The following PGM1 variants were observed in gnomAD, a reference collection of about 807,000 sequenced individuals.
PGM1 encodes the protein phosphoglucomutase-1.
PGM1 carries 52 observed loss-of-function variants against 55.6 expected under a neutral mutation model. That is an observed-to-expected ratio of 0.94 (90% CI 0.75 to 1.18). The LOEUF (loss-of-function observed/expected upper bound fraction) is 1.18, where lower values mean the gene tolerates loss of function less well. Among genes scored for constraint, PGM1 ranks in the 50% most tolerant of loss-of-function variants. The pLI, the probability that PGM1 is intolerant of heterozygous loss-of-function variation, is 0.00. For synonymous variants in PGM1, 287 were observed against 271.7 expected, an observed-to-expected ratio of 1.06 and a Z score of -0.55; for missense variants, 724 against 729.3, an observed-to-expected ratio of 0.99 and a Z score of 0.08.
chr1:63,599,354 C>T (rs1005866459), intron 1 of PGM1, among the ~76,000 whole-genome samples: 3 of 151,986 alleles, frequency 2.0e-5, no homozygotes, highest in African/African-American at 7.2e-5. Context: ...TTAGTAGAAA[C>T]GAGGTTTCAC....
At chr1:63,626,829 C>T (rs1649030265) in intron 1 of PGM1, among the ~76,000 whole-genome samples, 1 of 152,102 alleles carries the variant, frequency 6.6e-6, no homozygotes. Context: ...AAGTTTTCAT[C>T]TTGCCAAACT....
chr1:63,638,753 T>C lies in PGM1; in HGVS notation c.1097T>C (p.Met366Thr). 6.2e-7 allele frequency: 1 copy of C among 1,614,144 alleles called. No homozygotes were observed. The highest frequency in any genetic ancestry group is 2.2e-5 in the East Asian group (1 of 44,888). The change falls in exon 7 of 11, where the codon ATG becomes ACG. Residue 366 changes from methionine (M) to threonine (T), a missense_variant. Met to Thr is a moderately conservative substitution (Grantham distance 81). This residue lies in a region of PGM1 where 316 missense variants were observed against 313.1 expected (regional missense o/e 1.01). Coordinates refer to ENST00000371084, the MANE Select transcript of PGM1 (RefSeq NM_002633.3). ...PTGWKFFGNLMDASKLSLCGE... is the reference protein window; with the variant it reads ...PTGWKFFGNLTDASKLSLCGE... The stretch of plus-strand genomic sequence containing the variant: ...GGCTGGAAGTTTTTTGGGAATTTGA[T>C]GGACGCGAGCAAACTGTCCCTTTGT...
Position 63,610,512 on chromosome 1 carries a change from T to C in PGM1, c.246+16778T>C, listed in dbSNP as rs376441629. Among the ~76,000 whole-genome samples the C allele has an allele frequency of 2.6e-4, 39 of 152,354 alleles. 1 individual carries two copies. Among genetic ancestry groups the C allele is most frequent in the East Asian group, 1.3e-3 (7 of 5,186 alleles). On this transcript the variant is annotated intron_variant, in intron 1 of 10. Coordinates refer to ENST00000371084, the MANE Select transcript of PGM1 (RefSeq NM_002633.3). ...ATCTGAGTTTGATTCCTGGACATGG[T>C]AGTTATTAGCTGTTTAATCTTGGGC...
chr1:63,634,971 C>T lies in PGM1; in HGVS notation c.825C>T (p.Thr275=). ...CCTATGCAGCTGACCTGGTGGAGAC[C>T]ATGAAGTCAGGAGAGCATGATTTTG... is the stretch of plus-strand genomic sequence containing the variant. The part of the protein sequence containing the change: ...NLTYAADLVE[T]MKSGEHDFGA... Residue 275 remains threonine (T), a synonymous_variant, in exon 5 of 11, where the codon ACC becomes ACT. Transcript: ENST00000371084. The T allele has an allele frequency of 1.2e-6, 2 of 1,613,984 alleles. No individual in the cohort carries two copies. Among genetic ancestry groups the T allele is most frequent in the African/African-American group, 1.3e-5 (1 of 75,004 alleles).
intron 6 of PGM1, among the ~76,000 whole-genome samples, chr1:63,637,904 A>G (rs1052805959): frequency 2.6e-5 from 4 of 152,250 alleles, no homozygotes; most frequent in African/African-American, 9.6e-5. Flanking sequence ...TGCAAAGCTG[A>G]CATTGCTTTC....
At chr1:63,654,305 A>G (rs1649897762) in intron 9 of PGM1, 27 bp from the exon 10 acceptor site, 8 of 1,611,084 alleles carry the variant, frequency 5.0e-6, no homozygotes, top group African/African-American at 1.3e-5. Flanking sequence ...GCATTTGGGG[A>G]AAAAAATCTC....
At chr1:63,646,747 T>C (rs1649654689) in intron 7 of PGM1, among the ~76,000 whole-genome samples, 1 of 152,198 alleles carries the variant, frequency 6.6e-6, no homozygotes, top group Non-Finnish European at 1.5e-5. Flanking sequence ...CAGTTTCTCA[T>C]TGTGGTTTTA....
chr1:63,614,782 G>A (rs1466964061), intron 1 of PGM1, among the ~76,000 whole-genome samples: 2 of 152,108 alleles, frequency 1.3e-5, no homozygotes, highest in African/African-American at 4.8e-5. Context: ...TTATCCCTAG[G>A]ATAAGGGCTG....
At chr1:63,627,493 A>G (rs1294827603) in intron 1 of PGM1, among the ~76,000 whole-genome samples, 3 of 152,054 alleles carry the variant, frequency 2.0e-5, no homozygotes, top group Admixed American at 1.3e-4. Context: ...ATCGAGAGCA[A>G]TATTCCTGAG....
chr1:63,599,605 A>C (rs1001236372), intron 1 of PGM1, among the ~76,000 whole-genome samples: 1 of 152,128 alleles, frequency 6.6e-6, no homozygotes, highest in South Asian at 2.1e-4. Flanking sequence ...CTTGGACAAC[A>C]TGGTGAAACC....
chr1:63,598,742 G>A (rs1648151274), intron 1 of PGM1, among the ~76,000 whole-genome samples: 1 of 152,142 alleles, frequency 6.6e-6, no homozygotes, highest in African/African-American at 2.4e-5. Flanking sequence ...GTAGGGGAAG[G>A]GGATGTAAGC....
At position 63,594,249 on chromosome 1, in the gene PGM1, T is replaced by C. The variant is rs113240691; in HGVS notation, c.246+515T>C. ...CCCGCTGGCTCGGAGCCCGACACTGTGGGGCAAGGGTGGCGAGAGCACCCA... is the reference window on the plus strand; with the variant it reads ...CCCGCTGGCTCGGAGCCCGACACTGCGGGGCAAGGGTGGCGAGAGCACCCA... On this transcript the variant is annotated intron_variant, in intron 1 of 10. Transcript: ENST00000371084. The C allele has an allele frequency of 0.019, 10,150 of 537,968 alleles. 939 individuals carry two copies. The African/African-American group carries it at 0.19, about 10-fold the overall frequency. 33.3% of individuals were successfully genotyped at this position (537,968 alleles called of 1,614,324 possible).
intron 8 of PGM1, among the ~76,000 whole-genome samples, chr1:63,649,710 C>G (rs570410134): frequency 1.3e-5 from 2 of 152,330 alleles, no homozygotes; most frequent in African/African-American, 4.8e-5. Context: ...TCATTGATCT[C>G]TTTCTCTCTC....
intron 2 of PGM1, 134 bp downstream of exon 2, chr1:63,629,721 A>G: frequency 5.1e-6 from 5 of 974,418 alleles, no homozygotes; most frequent in Non-Finnish European, 7.9e-6. Context: ...GCTTCCTTTC[A>G]GTGACAGTGA....
At chr1:63,634,715 G>T (rs1649314697) in intron 4 of PGM1, 114 bp from the exon 5 acceptor site, 1 of 829,880 alleles carries the variant, frequency 1.2e-6, no homozygotes, top group Non-Finnish European at 2.1e-6. Flanking sequence ...CATTCCTGTT[G>T]TTTCTCATGC....
At chr1:63,628,139 A>G (rs1374116937) in intron 1 of PGM1, among the ~76,000 whole-genome samples, 2 of 152,318 alleles carry the variant, frequency 1.3e-5, no homozygotes, top group South Asian at 2.1e-4. Context: ...CAAAAGTACC[A>G]TGGGATGTAG....
chr1:63,622,774 A>T (rs1648916597), intron 1 of PGM1, among the ~76,000 whole-genome samples: 1 of 152,208 alleles, frequency 6.6e-6, no homozygotes, highest in Non-Finnish European at 1.5e-5. Context: ...TCTGTTAGAT[A>T]ATTTTTTTCC....
In PGM1 at chr1:63,593,415, C is replaced by T; in HGVS notation, c.-74C>T. 6.2e-6 allele frequency: 10 copies of T among 1,602,276 alleles called. No homozygotes were observed. The South Asian group carries it at 1.0e-4, about 16-fold the overall frequency. On this transcript the variant is annotated 5_prime_UTR_variant, in exon 1 of 11. Coordinates refer to ENST00000371084, the MANE Select transcript of PGM1 (RefSeq NM_002633.3). ...CACCCGCCGTGCCCTCACCCCAGAG[C>T]AGCTGCAGCCTCAGCCGGCCGCCCC... is the stretch of plus-strand genomic sequence containing the variant.
At chr1:63,609,407 A>G (rs550111289) in intron 1 of PGM1, among the ~76,000 whole-genome samples, 22 of 152,248 alleles carry the variant, frequency 1.4e-4, no homozygotes, top group African/African-American at 5.1e-4. Flanking sequence ...TATGCCAGGC[A>G]CTGTGCACAG....
Sources: allele counts gnomAD v4.1 joint callset (sites outside exome capture counted in the v4.1 genomes callset), GRCh38; gene constraint gnomAD v4.1.1; regional missense constraint gnomAD v4.1.1; transcripts MANE v1.5; gene names NCBI Gene and HGNC (gene_info 2026-07-23, HGNC 2026-07-21).